MGAT4C: variants seen among roughly 807,000 people sequenced by gnomAD.
The protein encoded by MGAT4C is MGAT4 family member C.
In MGAT4C, 19 loss-of-function variants were observed where a neutral mutation model predicts 40.1. The ratio of observed to expected loss-of-function variants is 0.47; its 90% CI spans 0.33 to 0.70. MGAT4C has a LOEUF of 0.70. Ranked by LOEUF, MGAT4C falls within the 30% of genes least tolerant of loss-of-function variation. The pLI, the probability that MGAT4C is intolerant of heterozygous loss-of-function variation, is 0.02. For synonymous variants in MGAT4C, 181 were observed against 187.1 expected, an observed-to-expected ratio of 0.97 and a Z score of 0.27; for missense variants, 491 against 563.2, an observed-to-expected ratio of 0.87 and a Z score of 1.30.
rs1882852469 is a variant in MGAT4C at position 85,957,423 on chromosome 12, CT to C, written c.*21865del. 6.6e-6 allele frequency: 1 copy of C among 152,040 alleles called. No homozygotes were observed. Among genetic ancestry groups the C allele is most frequent in the East Asian group, 1.9e-4 (1 of 5,170 alleles). The allele number at this position is 152,040 out of a possible 1,614,324, so 9.4% of individuals were successfully genotyped here. A position where few individuals can be genotyped will look rare whatever the true frequency, so the allele number is the denominator to read the frequency against. ...TACAGAAATTGTCCCTCTAGCCTTC[CT>C]TTCATGACATGCATGAACTCTAGCA... On this transcript the variant is annotated 3_prime_UTR_variant, in exon 5 of 5. Transcript: ENST00000611864.
chr12:86,135,561 G>A (rs1019897597), intron 1 of MGAT4C, among the ~76,000 whole-genome samples: 1 of 152,088 alleles, frequency 6.6e-6, no homozygotes, highest in African/African-American at 2.4e-5. Context: ...CAAGATAAAC[G>A]CTGGGAAGAT....
intron 1 of MGAT4C, among the ~76,000 whole-genome samples, chr12:86,740,369 G>C (rs562019152): frequency 6.6e-6 from 1 of 151,040 alleles, no homozygotes; most frequent in African/African-American, 2.4e-5. Flanking sequence ...TTGTTCAGTA[G>C]AAAATTTTAA....
intron 2 of MGAT4C, among the ~76,000 whole-genome samples, chr12:86,587,268 T>C (rs972087775): frequency 3.3e-5 from 5 of 152,036 alleles, no homozygotes; most frequent in African/African-American, 4.8e-5. Flanking sequence ...GTTGTAGATA[T>C]GCGGCATTAT....
At chr12:86,660,750 T>C (rs1228785911) in intron 2 of MGAT4C, among the ~76,000 whole-genome samples, 6 of 152,116 alleles carry the variant, frequency 3.9e-5, no homozygotes, top group Non-Finnish European at 8.8e-5. Flanking sequence ...TTTATACTCT[T>C]AGCAGGGTCA....
At chr12:86,637,279 T>C (rs1031457207) in intron 2 of MGAT4C, among the ~76,000 whole-genome samples, 1 of 152,022 alleles carries the variant, frequency 6.6e-6, no homozygotes, top group Non-Finnish European at 1.5e-5. Flanking sequence ...TGCTATAAGC[T>C]ACATTTTCAT....
chr12:86,374,417 C>G (rs1393848545), intron 3 of MGAT4C, among the ~76,000 whole-genome samples: 1 of 152,026 alleles, frequency 6.6e-6, no homozygotes, highest in Non-Finnish European at 1.5e-5. Flanking sequence ...AGGCACAGTG[C>G]TATGCTACAA....
chr12:86,740,313 G>A (rs528562924), intron 1 of MGAT4C, among the ~76,000 whole-genome samples: 167 of 151,058 alleles, frequency 1.1e-3, no homozygotes, highest in African/African-American at 3.5e-3. Flanking sequence ...CATAAGGATA[G>A]GATTCATTAT....
chr12:86,049,935 C>T (rs1033292925), intron 1 of MGAT4C, among the ~76,000 whole-genome samples: 2 of 151,538 alleles, frequency 1.3e-5, no homozygotes, highest in African/African-American at 4.8e-5. Context: ...ATAGACATAC[C>T]TTTGTATTAA....
At chr12:86,810,339 A>C (rs911575154) in intron 1 of MGAT4C, among the ~76,000 whole-genome samples, 8 of 151,798 alleles carry the variant, frequency 5.3e-5, no homozygotes, top group African/African-American at 1.7e-4. Flanking sequence ...ATCTTGCCTT[A>C]TTACACTGAA....
intron 1 of MGAT4C, among the ~76,000 whole-genome samples, chr12:86,786,743 A>G (rs1010966234): frequency 2.0e-5 from 3 of 152,122 alleles, no homozygotes; most frequent in Admixed American, 1.3e-4. Context: ...TAAAGGAATA[A>G]TCTTCTGTAT....
At chr12:86,625,085 C>A (rs1962760516) in intron 2 of MGAT4C, among the ~76,000 whole-genome samples, 1 of 151,630 alleles carries the variant, frequency 6.6e-6, no homozygotes, top group Non-Finnish European at 1.5e-5. Context: ...CAAAAGGGGC[C>A]CTTTATAAGG....
chr12:86,443,223 T>C (rs577710241), intron 2 of MGAT4C, among the ~76,000 whole-genome samples: 9 of 148,414 alleles, frequency 6.1e-5, no homozygotes, highest in African/African-American at 1.0e-4. Context: ...CACACACACA[T>C]ATATACACAT....
chr12:86,370,897 T>C (rs1955701565), intron 3 of MGAT4C, among the ~76,000 whole-genome samples: 1 of 152,028 alleles, frequency 6.6e-6, no homozygotes, highest in African/African-American at 2.4e-5. Context: ...TTTGCTCCTT[T>C]AGTGGGATGG....
chr12:86,593,400 T>C (rs764988759), intron 2 of MGAT4C, among the ~76,000 whole-genome samples: 39 of 152,104 alleles, frequency 2.6e-4, no homozygotes, highest in Non-Finnish European at 5.4e-4. Context: ...TTCAATATTT[T>C]CTACTCTCTG....
intron 1 of MGAT4C, among the ~76,000 whole-genome samples, chr12:86,803,601 C>G (rs1184241525): frequency 3.4e-5 from 5 of 148,800 alleles, no homozygotes; most frequent in East Asian, 4.0e-4. Flanking sequence ...AAAAAGTGGG[C>G]GAAGGACATG....
chr12:86,659,316 C>G (rs774913278), intron 2 of MGAT4C, among the ~76,000 whole-genome samples: 7 of 151,964 alleles, frequency 4.6e-5, no homozygotes, highest in Non-Finnish European at 8.8e-5. Flanking sequence ...GCAGGAAGAA[C>G]ATCTCAAACT....
At chr12:86,610,858 A>G (rs1211284574) in intron 2 of MGAT4C, among the ~76,000 whole-genome samples, 1 of 151,892 alleles carries the variant, frequency 6.6e-6, no homozygotes, top group African/African-American at 2.4e-5. Context: ...TCAGACCACA[A>G]TGCAGGTCTG....
rs375136599 is a variant in MGAT4C at position 86,241,356 on chromosome 12, G to A, written c.-57+14883C>T. ...ATCTTTACTACTACGGAAGCAAAAC[G>A]ACAATTTTCCAAGTATCTCTCCCTC... is the stretch of plus-strand genomic sequence containing the variant. On this transcript the variant is annotated intron_variant, in intron 1 of 4. Transcript: ENST00000611864. 3.3e-5 allele frequency among the ~76,000 whole-genome samples: 5 copies of A among 152,018 alleles called. No individual in the cohort carries two copies. In the South Asian group the frequency reaches 1.0e-3, roughly 31 times the overall value.
chr12:86,267,359 C>T (rs532361108), intron 4 of MGAT4C, among the ~76,000 whole-genome samples: 1 of 152,058 alleles, frequency 6.6e-6, no homozygotes, highest in Non-Finnish European at 1.5e-5. Flanking sequence ...GTATCTTAAA[C>T]TTGGAAGTGA....
Sources: allele counts gnomAD v4.1 joint callset (sites outside exome capture counted in the v4.1 genomes callset), GRCh38; gene constraint gnomAD v4.1.1; transcripts MANE v1.5; gene names NCBI Gene and HGNC (gene_info 2026-07-23, HGNC 2026-07-21).